MAPKAP1: variants seen among roughly 807,000 people sequenced by gnomAD.
MAPKAP1 encodes the protein MAPK associated protein 1.
Under a neutral mutation model 65.7 loss-of-function variants are expected in MAPKAP1, and 20 were observed. The observed-to-expected ratio is 0.30, with a 90% CI of 0.21 to 0.44. The LOEUF (loss-of-function observed/expected upper bound fraction) is 0.44. Among genes scored for constraint, MAPKAP1 ranks in the 20% least tolerant of loss-of-function variants. The pLI is 1.00. For missense variants in MAPKAP1, 423 were observed against 648.0 expected, an observed-to-expected ratio of 0.65 and a Z score of 3.77; for synonymous variants, 222 against 244.3, an observed-to-expected ratio of 0.91 and a Z score of 0.85.
intron 3 of MAPKAP1, among the ~76,000 whole-genome samples, chr9:125,664,348 A>G (rs1007167225): frequency 4.0e-5 from 6 of 151,430 alleles, no homozygotes; most frequent in Non-Finnish European, 8.8e-5. Flanking sequence ...ACTCCGTCTC[A>G]AAAAAAATAA....
intron 4 of MAPKAP1, among the ~76,000 whole-genome samples, chr9:125,635,067 T>G (rs1833385229): frequency 6.6e-6 from 1 of 152,204 alleles, no homozygotes; most frequent in Admixed American, 6.5e-5. Flanking sequence ...CTCATTCTCT[T>G]GGGCACTAAT....
chr9:125,660,085 C>T (rs989159885), intron 3 of MAPKAP1, among the ~76,000 whole-genome samples: 3 of 152,122 alleles, frequency 2.0e-5, no homozygotes, highest in Admixed American at 1.3e-4. Context: ...TCTTTCAGTC[C>T]CTCTGCTGAT....
At chr9:125,476,317 G>T (rs1340491529) in intron 9 of MAPKAP1, among the ~76,000 whole-genome samples, 1 of 152,150 alleles carries the variant, frequency 6.6e-6, no homozygotes, top group African/African-American at 2.4e-5. Context: ...TCACAATAGG[G>T]ACTGAACAAT....
intron 1 of MAPKAP1, among the ~76,000 whole-genome samples, chr9:125,693,668 T>TATACACGTATAC (rs1835265636): frequency 7.7e-6 from 1 of 129,384 alleles, no homozygotes; most frequent in African/African-American, 2.8e-5. Flanking sequence ...TACACACACA[T>TATACACGTATAC]ATACACGTAT....
chr9:125,489,160 A>ATCTT lies in MAPKAP1; in HGVS notation c.1067-4581_1067-4578dup, dbSNP rs540785481. On this transcript the variant is annotated intron_variant, in intron 8 of 11. Coordinates refer to ENST00000265960, the MANE Select transcript of MAPKAP1 (RefSeq NM_001006617.3). ...AGTGAAAAGCAGAGAGAACCAGAAC[A>ATCTT]TCTTAAAAATAAACATACTGAAAAA... Among the ~76,000 whole-genome samples, 1,086 of 152,348 alleles carry ATCTT rather than the reference A, an allele frequency of 7.1e-3. 14 individuals carry two copies. Among genetic ancestry groups the ATCTT allele is most frequent in the African/African-American group, 0.025 (1,040 of 41,582 alleles).
intron 4 of MAPKAP1, among the ~76,000 whole-genome samples, chr9:125,602,910 T>C (rs924512149): frequency 6.6e-6 from 1 of 152,082 alleles, no homozygotes; most frequent in African/African-American, 2.4e-5. Context: ...CTCCTTCTTT[T>C]AAAAGATGGG....
chr9:125,646,638 AG>A (rs1172973538), intron 4 of MAPKAP1, among the ~76,000 whole-genome samples: 1 of 152,250 alleles, frequency 6.6e-6, no homozygotes, highest in Non-Finnish European at 1.5e-5. Flanking sequence ...TCATTTAAAA[AG>A]ACTTGTTTTA....
intron 7 of MAPKAP1, chr9:125,521,709 ATTT>A (rs1383641057): frequency 1.9e-6 from 3 of 1,610,092 alleles, no homozygotes; most frequent in Non-Finnish European, 2.5e-6. Flanking sequence ...GTTCAAACCC[ATTT>A]TCCTTAACAC....
intron 4 of MAPKAP1, among the ~76,000 whole-genome samples, chr9:125,598,377 C>T (rs1378248305): frequency 1.3e-5 from 2 of 152,178 alleles, no homozygotes; most frequent in Non-Finnish European, 1.5e-5. Flanking sequence ...TCACTGGACA[C>T]TGTATTTTCT....
chr9:125,521,500 C>A (rs1589254745), intron 7 of MAPKAP1: 1 of 1,270,440 alleles, frequency 7.9e-7, no homozygotes, highest in Non-Finnish European at 9.9e-7. Flanking sequence ...TTATTTTAAA[C>A]AATTGTAAAA....
At position 125,595,718 on chromosome 9, in the gene MAPKAP1, A is replaced by G. The variant is rs1832103809; in HGVS notation, c.499-9991T>C. On this transcript the variant is annotated intron_variant, in intron 4 of 11. Transcript: ENST00000265960. This position sits in a 1 kb window ranked among gnomAD's most constrained non-coding sequence, Gnocchi z 4.0. ...GCCGGAACAGCTAAGGAATCTCTTC[A>G]TTGGAGGGTTGAGCTTTGAAACAAC... The G allele has an allele frequency of 1.3e-6, 2 of 1,551,122 alleles. No individual in the cohort carries two copies. The highest frequency in any genetic ancestry group is 1.7e-6 in the Non-Finnish European group (2 of 1,145,148).
chr9:125,683,794 A>T (rs1000693237), intron 1 of MAPKAP1, among the ~76,000 whole-genome samples: 2 of 152,226 alleles, frequency 1.3e-5, no homozygotes, highest in African/African-American at 4.8e-5. Context: ...AGCAAAAGAA[A>T]ATGAATTCAG....
chr9:125,496,504 A>G (rs1483828494), intron 8 of MAPKAP1, among the ~76,000 whole-genome samples: 1 of 152,216 alleles, frequency 6.6e-6, no homozygotes, highest in East Asian at 1.9e-4. Context: ...GGTATAATAA[A>G]GGAGGTGCTT....
intron 4 of MAPKAP1, among the ~76,000 whole-genome samples, chr9:125,604,327 A>T (rs1263521647): frequency 1.3e-5 from 2 of 152,222 alleles, no homozygotes; most frequent in South Asian, 4.1e-4. Context: ...ACAGCACCAC[A>T]CTATTTTTCA....
intron 4 of MAPKAP1, among the ~76,000 whole-genome samples, chr9:125,602,407 T>G (rs940973917): frequency 3.3e-5 from 5 of 152,206 alleles, no homozygotes. Context: ...TATCGGGCCT[T>G]CATCCGCGTC....
intron 4 of MAPKAP1, among the ~76,000 whole-genome samples, chr9:125,599,027 C>T (rs907284707): frequency 1.4e-5 from 2 of 145,690 alleles, no homozygotes; most frequent in African/African-American, 5.1e-5. Context: ...AATGAAACTC[C>T]GTCTCAAAAA....
In MAPKAP1 at chr9:125,672,592, T is replaced by C; in HGVS notation, c.-18A>G. ...AAGGCCATCCTTTCTGTGGGCCAAT[T>C]TCCTTAAAAGGCTATTTTCTCCTCT... On this transcript the variant is annotated 5_prime_UTR_variant, in exon 2 of 12. Transcript: ENST00000265960. The C allele has an allele frequency of 6.2e-7, 1 of 1,612,258 alleles. No homozygotes were observed. The highest frequency in any genetic ancestry group is 2.2e-5 in the East Asian group (1 of 44,856).
chr9:125,556,986 C>T (rs998576705), intron 6 of MAPKAP1, among the ~76,000 whole-genome samples: 5 of 152,194 alleles, frequency 3.3e-5, no homozygotes, highest in African/African-American at 1.2e-4. Context: ...TTCAGAAACA[C>T]TCCAGACACA....
At chr9:125,698,156 C>A (rs979838998) in intron 1 of MAPKAP1, among the ~76,000 whole-genome samples, 2 of 149,282 alleles carry the variant, frequency 1.3e-5, no homozygotes, top group South Asian at 2.1e-4. Flanking sequence ...CTCGCTCTCT[C>A]TATACGTATA....
Sources: allele counts gnomAD v4.1 joint callset (sites outside exome capture counted in the v4.1 genomes callset), GRCh38; gene constraint gnomAD v4.1.1; non-coding constraint Gnocchi (gnomAD v3.1); transcripts MANE v1.5; gene names NCBI Gene and HGNC (gene_info 2026-07-23, HGNC 2026-07-21).